Variants in SP7 observed in about 807,000 individuals in gnomAD.
SP7 encodes transcription factor Sp7.
Under a neutral mutation model 27.9 loss-of-function variants are expected in SP7, and 13 were observed. The observed-to-expected ratio is 0.47, with a 90% CI of 0.30 to 0.74. SP7 has a LOEUF of 0.74. SP7 is among the 30% of genes least tolerant of loss of function. The probability of loss-of-function intolerance (pLI) is 0.06; values close to 1 mark genes in which losing one functional copy is unlikely to be tolerated. For synonymous variants in SP7, 219 were observed against 226.7 expected, an observed-to-expected ratio of 0.97 and a Z score of 0.31; for missense variants, 525 against 558.0, an observed-to-expected ratio of 0.94 and a Z score of 0.60.
At chr12:53,343,776 C>G (rs929848816) in intron 1 of SP7, among the ~76,000 whole-genome samples, 8 of 152,048 alleles carry the variant, frequency 5.3e-5, no homozygotes, top group African/African-American at 1.9e-4. Context: ...TGGAGGGGGC[C>G]AGCACGGTGG....
In SP7 at chr12:53,328,776, A is replaced by G; in HGVS notation, c.666T>C (p.His222=). 3 of 1,600,452 alleles carry G rather than the reference A, an allele frequency of 1.9e-6. No homozygotes were observed. The highest frequency in any genetic ancestry group is 2.2e-5 in the East Asian group (1 of 44,620). Residue 222 remains histidine (H), a synonymous_variant, in exon 3 of 3, where the codon CAT becomes CAC. Coordinates refer to ENST00000536324, the MANE Select transcript of SP7 (RefSeq NM_001173467.3). This position sits in a 1 kb window ranked among gnomAD's most constrained non-coding sequence, Gnocchi z 5.1. ...GTTTATAGACATCTTGGGGCAAGAC[A>G]TGCTGGGGCCCTGGTTGCAAGAGGT... ...APHLLQPGPQ[H]VLPQDVYKPK...
chr12:53,334,371 C>CAG (rs1490696273), intron 2 of SP7, among the ~76,000 whole-genome samples: 3 of 147,088 alleles, frequency 2.0e-5, no homozygotes, highest in Non-Finnish European at 4.6e-5. Context: ...CACACACACA[C>CAG]ACACTCTCAG....
chr12:53,337,546 T>G (rs1944783335), upstream of SP7, among the ~76,000 whole-genome samples: 1 of 152,144 alleles, frequency 6.6e-6, no homozygotes, highest in South Asian at 2.1e-4. Context: ...GCTCTCCCTG[T>G]CAGGGGAATA....
At chr12:53,343,906 C>T (rs899885954) in intron 1 of SP7, among the ~76,000 whole-genome samples, 1 of 151,830 alleles carries the variant, frequency 6.6e-6, no homozygotes, top group South Asian at 2.1e-4. Flanking sequence ...TTGGCTGTGC[C>T]AATTTTTGGC....
At chr12:53,335,884 G>C (rs1172257074) in intron 1 of SP7, 191 bp from the exon 2 acceptor site, 2 of 1,284,662 alleles carry the variant, frequency 1.6e-6, no homozygotes, top group Non-Finnish European at 2.0e-6. Context: ...GCGAGAGAGG[G>C]AGGCAGAGGG....
upstream of SP7, among the ~76,000 whole-genome samples, chr12:53,337,585 C>G (rs1403720277): frequency 6.6e-6 from 1 of 152,220 alleles, no homozygotes; most frequent in Non-Finnish European, 1.5e-5. Context: ...TCTCCTCACT[C>G]TGCAACACCA....
chr12:53,330,679 T>A (rs1437869587), intron 2 of SP7, among the ~76,000 whole-genome samples: 8 of 152,026 alleles, frequency 5.3e-5, no homozygotes, highest in Non-Finnish European at 1.0e-4. Context: ...AGGGAGAAGG[T>A]CAAAGTATTA....
Position 53,327,957 on chromosome 12 carries a change from G to A in SP7, c.*189C>T. 1.7e-6 allele frequency: 1 copy of A among 585,946 alleles called. No homozygotes were observed. The highest frequency in any genetic ancestry group is 3.4e-5 in the Admixed American group (1 of 29,516). 36.3% of individuals were successfully genotyped at this position (585,946 alleles called of 1,614,324 possible). A position where few individuals can be genotyped will look rare whatever the true frequency, so the allele number is the denominator to read the frequency against. ...GTTTGTGGAAAGCCAGTCTCATGGTGAAGAGAGAAGGTGAGCTGAGGAGGC... is the reference window on the plus strand; with the variant it reads ...GTTTGTGGAAAGCCAGTCTCATGGTAAAGAGAGAAGGTGAGCTGAGGAGGC... On this transcript the variant is annotated 3_prime_UTR_variant, in exon 3 of 3. Coordinates refer to ENST00000536324, the MANE Select transcript of SP7 (RefSeq NM_001173467.3).
Position 53,327,753 on chromosome 12 carries a change from G to A in SP7, c.*393C>T, listed in dbSNP as rs2136832151. On this transcript the variant is annotated 3_prime_UTR_variant, in exon 3 of 3. Transcript: ENST00000536324. ...GGTGTAAGAAGTTGGGAAGACTGAA[G>A]CCTGGAGGCTGAGGGACAGCAGGAA... The A allele has an allele frequency of 4.7e-6, 1 of 211,732 alleles. No homozygotes were observed. Among genetic ancestry groups the A allele is most frequent in the East Asian group, 1.1e-4 (1 of 8,900 alleles). 13.1% of individuals were successfully genotyped at this position (211,732 alleles called of 1,614,324 possible).
intron 2 of SP7, among the ~76,000 whole-genome samples, chr12:53,333,727 G>GCTTCCCTCTCTGAACCCCACATT (rs6144721): frequency 6.6e-6 from 1 of 150,986 alleles, no homozygotes; most frequent in Admixed American, 6.6e-5. Flanking sequence ...AGCAGCAGCT[G>GCTTCCCTCTCTGAACCCCACATT]CTTCCCACTG....
rs983941700 is a variant in SP7 at position 53,328,007 on chromosome 12, A to C, written c.*139T>G. The C allele has an allele frequency of 3.5e-6, 3 of 853,122 alleles. No individual in the cohort carries two copies. The highest frequency in any genetic ancestry group is 5.3e-6 in the Non-Finnish European group (3 of 570,282). The allele number at this position is 853,122 out of a possible 1,614,324, so 52.8% of individuals were successfully genotyped here. A position where few individuals can be genotyped will look rare whatever the true frequency, so the allele number is the denominator to read the frequency against. On this transcript the variant is annotated 3_prime_UTR_variant, in exon 3 of 3. Transcript: ENST00000536324. This position sits in a 1 kb window ranked among gnomAD's most constrained non-coding sequence, Gnocchi z 5.1. ...CATGCAAGGAGATACCCAAGCCCAG[A>C]ATGGCCAGGAGGGAGACAGAGGGAG...
chr12:53,332,713 GA>G (rs1471216439), intron 2 of SP7, among the ~76,000 whole-genome samples: 1 of 152,094 alleles, frequency 6.6e-6, no homozygotes, highest in Non-Finnish European at 1.5e-5. Context: ...AAGCAGAGAA[GA>G]AAAGAAAGGA....
chr12:53,341,220 A>G (rs1944819818), upstream of SP7, among the ~76,000 whole-genome samples: 1 of 152,180 alleles, frequency 6.6e-6, no homozygotes, highest in African/African-American at 2.4e-5. Context: ...GCTGCAAGGC[A>G]GGACCTCTGG....
rs1264931499 is a variant in SP7, at chr12:53,328,171, T to C, written c.1271A>G (p.Glu424Gly). 3.7e-6 allele frequency: 6 copies of C among 1,612,356 alleles called. No homozygotes were observed. Among genetic ancestry groups the C allele is most frequent in the Admixed American group, 1.7e-5 (1 of 59,834 alleles). ...TCAGATCTCCAGCAAGTTGCTCTGC[T>C]CAGGGCTGCCTCCAGGGGCTTTCTC... is the stretch of plus-strand genomic sequence containing the variant. ...TPEKAPGGSP[E>G]QSNLLEI The change falls in exon 3 of 3, where the codon GAG becomes GGG. Residue 424 changes from glutamate (E) to glycine (G), a missense_variant. Coordinates refer to ENST00000536324, the MANE Select transcript of SP7 (RefSeq NM_001173467.3). The surrounding 1 kb of genome is among the most constrained non-coding windows in gnomAD (Gnocchi z 5.1).
Position 53,330,536 on chromosome 12 carries a change from GA to G in SP7, c.22-1117del, listed in dbSNP as rs201812124. ...AGGGGCTCTTTTTAAATGGCTGTGA[GA>G]AGAACTGGGGATAGAGACAGCAGCT... is the stretch of plus-strand genomic sequence containing the variant. On this transcript the variant is annotated intron_variant, in intron 2 of 2. Transcript: ENST00000536324. Among the ~76,000 whole-genome samples, 734 of 152,276 alleles carry G rather than the reference GA, an allele frequency of 4.8e-3. 4 individuals are homozygous for G. The highest frequency in any genetic ancestry group is 0.017 in the African/African-American group (689 of 41,538).
chr12:53,342,612 G>T (rs942937328), intron 1 of SP7, among the ~76,000 whole-genome samples: 2 of 152,048 alleles, frequency 1.3e-5, no homozygotes, highest in Non-Finnish European at 2.9e-5. Flanking sequence ...TCAGGAGTTC[G>T]AGACTAGCCT....
chr12:53,335,016 C>T (rs889591811), intron 2 of SP7, among the ~76,000 whole-genome samples: 1 of 152,184 alleles, frequency 6.6e-6, no homozygotes, highest in African/African-American at 2.4e-5. Flanking sequence ...CCCTCACAGG[C>T]CTGGGCTCAG....
upstream of SP7, among the ~76,000 whole-genome samples, chr12:53,337,704 C>T (rs558149318): frequency 7.4e-4 from 113 of 152,118 alleles, no homozygotes; most frequent in Non-Finnish European, 1.4e-3. Context: ...CGGAGGGTTG[C>T]ACAGCAGTTT....
At chr12:53,335,550 T>G (rs1412171727) in intron 2 of SP7, 76 bp downstream of exon 2, 31 of 764,038 alleles carry the variant, frequency 4.1e-5, no homozygotes, top group Admixed American at 1.2e-4. Flanking sequence ...CTATGTGAGT[T>G]GGAGGAGGTG....
Sources: allele counts gnomAD v4.1 joint callset (sites outside exome capture counted in the v4.1 genomes callset), GRCh38; gene constraint gnomAD v4.1.1; non-coding constraint Gnocchi (gnomAD v3.1); transcripts MANE v1.5; gene names NCBI Gene and HGNC (gene_info 2026-07-23, HGNC 2026-07-21).